The following MINDY3 variants were observed in gnomAD, a reference collection of about 807,000 sequenced individuals.
MINDY3 encodes the protein MINDY lysine 48 deubiquitinase 3.
Under a neutral mutation model 69.2 loss-of-function variants are expected in MINDY3, and 38 were observed. The ratio of observed to expected loss-of-function variants is 0.55; its 90% CI spans 0.42 to 0.72. The LOEUF is 0.72. Ranked by LOEUF, MINDY3 falls within the 30% of genes least tolerant of loss-of-function variation. The probability of loss-of-function intolerance (pLI) is 0.00; values close to 1 mark genes in which losing one functional copy is unlikely to be tolerated. For synonymous variants in MINDY3, 192 were observed against 180.1 expected (o/e 1.07, Z -0.53); for missense variants, 522 against 519.0 (o/e 1.01, Z -0.06).
At chr10:15,848,582 T>C (rs7913602) in intron 1 of MINDY3, among the ~76,000 whole-genome samples, 20,305 of 130,368 alleles carry the variant, frequency 0.16, 3,414 homozygotes, top group African/African-American at 0.44. Flanking sequence ...TGCACTGAGC[T>C]GAGATTGTGC....
intron 1 of MINDY3, among the ~76,000 whole-genome samples, chr10:15,851,205 G>A (rs1399195643): frequency 1.3e-5 from 2 of 152,100 alleles, no homozygotes; most frequent in Non-Finnish European, 2.9e-5. Context: ...CCCAGGTCTT[G>A]GTTTTAGGAT....
intron 2 of MINDY3, among the ~76,000 whole-genome samples, chr10:15,845,003 C>T (rs1833729203): frequency 6.6e-6 from 1 of 151,850 alleles, no homozygotes; most frequent in African/African-American, 2.4e-5. Context: ...TTAACTTCTC[C>T]AAGTTATTTA....
At chr10:15,789,179 G>A in intron 12 of MINDY3, 68 bp downstream of exon 12, 1 of 1,300,770 alleles carries the variant, frequency 7.7e-7, no homozygotes, top group Admixed American at 1.8e-5. Context: ...GGCAAAAAAT[G>A]TACAATATGT....
At chr10:15,827,176 TAAAAAAAAAAAA>T (rs56332799) in intron 8 of MINDY3, among the ~76,000 whole-genome samples, 2 of 44,876 alleles carry the variant, frequency 4.5e-5, no homozygotes, top group Non-Finnish European at 7.8e-5. Flanking sequence ...ATAACAGGAG[TAAAAAAAAAAAA>T]AAAAAAAAAA....
chr10:15,789,382 G>A (rs1484187060), intron 11 of MINDY3, 63 bp from the exon 12 acceptor site: 1 of 1,265,466 alleles, frequency 7.9e-7, no homozygotes, highest in Non-Finnish European at 1.1e-6. Context: ...TGCTATTAAT[G>A]CTGATCAGGT....
At chr10:15,856,850 C>T (rs12247946) in intron 1 of MINDY3, among the ~76,000 whole-genome samples, 12,884 of 152,090 alleles carry the variant, frequency 0.085, 1,090 homozygotes, top group African/African-American at 0.22. Flanking sequence ...TCACTCTGTC[C>T]GCTTCTTACC....
chr10:15,810,051 G>A (rs769771792), intron 10 of MINDY3, among the ~76,000 whole-genome samples: 15 of 151,994 alleles, frequency 9.9e-5, no homozygotes, highest in Non-Finnish European at 2.1e-4. Flanking sequence ...AAACTGACTT[G>A]TGAAAAATCT....
chr10:15,796,332 G>C (rs1275224105), intron 10 of MINDY3, among the ~76,000 whole-genome samples, 160 bp from the exon 11 acceptor site: 1 of 151,742 alleles, frequency 6.6e-6, no homozygotes, highest in African/African-American at 2.4e-5. Flanking sequence ...AACTCTCCAG[G>C]CCATTTATTT....
At chr10:15,811,762 A>T (rs10508495) in intron 10 of MINDY3, among the ~76,000 whole-genome samples, 24,434 of 152,074 alleles carry the variant, frequency 0.16, 2,453 homozygotes, top group South Asian at 0.25. Context: ...TCTCCTTATT[A>T]CTAGGGTCTA....
chr10:15,819,096 AAG>A (rs766128767), intron 9 of MINDY3, among the ~76,000 whole-genome samples: 1 of 152,268 alleles, frequency 6.6e-6, no homozygotes, highest in Admixed American at 6.5e-5. Context: ...AGGAGGGAGA[AAG>A]AGATTATTTC....
intron 4 of MINDY3, 55 bp from the exon 5 acceptor site, chr10:15,838,334 T>C: frequency 6.8e-7 from 1 of 1,464,148 alleles, no homozygotes; most frequent in Non-Finnish European, 9.2e-7. Flanking sequence ...TGACACAAGA[T>C]ACACACAGCA....
At chr10:15,806,905 C>T (rs1398695282) in intron 10 of MINDY3, among the ~76,000 whole-genome samples, 1 of 152,148 alleles carries the variant, frequency 6.6e-6, no homozygotes, top group East Asian at 1.9e-4. Flanking sequence ...CTACTTCTTC[C>T]CTCTTCCAGG....
intron 3 of MINDY3, among the ~76,000 whole-genome samples, chr10:15,842,171 CT>C (rs1389681353): frequency 3.3e-5 from 5 of 151,770 alleles, no homozygotes; most frequent in Non-Finnish European, 7.4e-5. Flanking sequence ...CTCAGACCAT[CT>C]CTTTATGAAC....
chr10:15,810,343 A>G (rs753066861), intron 10 of MINDY3, among the ~76,000 whole-genome samples: 1 of 152,216 alleles, frequency 6.6e-6, no homozygotes, highest in Non-Finnish European at 1.5e-5. Flanking sequence ...TTTCTTAACC[A>G]TCCTCAAATC....
Position 15,852,295 on chromosome 10 carries a change from G to A in MINDY3, c.95-4352C>T, listed in dbSNP as rs182741874. On this transcript the variant is annotated intron_variant, in intron 1 of 14. Coordinates refer to ENST00000277632, the MANE Select transcript of MINDY3 (RefSeq NM_024948.4). ...TTGATGTTTTGGCATGGAAGATAAT[G>A]GCAGTGTTTGTTTCTAGGAATACCA... 8.5e-5 allele frequency among the ~76,000 whole-genome samples: 13 copies of A among 152,216 alleles called. No individual in the cohort carries two copies. In the East Asian group the frequency reaches 2.5e-3, roughly 29 times the overall value.
At chr10:15,779,449 C>T (rs942247829) in intron 14 of MINDY3, among the ~76,000 whole-genome samples, 6 of 152,070 alleles carry the variant, frequency 3.9e-5, no homozygotes, top group East Asian at 1.9e-4. Context: ...TCTATACCAT[C>T]GGAAAGAAAT....
At chr10:15,815,614 A>T (rs773091677) in intron 10 of MINDY3, among the ~76,000 whole-genome samples, 3 of 152,176 alleles carry the variant, frequency 2.0e-5, no homozygotes, top group Non-Finnish European at 4.4e-5. Flanking sequence ...CAACCTATCA[A>T]GTTACCTATG....
At chr10:15,787,440 C>T (rs1449563085) in intron 12 of MINDY3, among the ~76,000 whole-genome samples, 1 of 152,074 alleles carries the variant, frequency 6.6e-6, no homozygotes, top group Non-Finnish European at 1.5e-5. Context: ...TTAAATCTAC[C>T]TTACTACACA....
rs373088722 is a variant in MINDY3 at position 15,802,037 on chromosome 10, C to T, written c.883-5865G>A. ...TATAATTTTAACATATTCTTTTCTC[C>T]GGCTTACGAGATTACAGTATATAAT... is the stretch of plus-strand genomic sequence containing the variant. On this transcript the variant is annotated intron_variant, in intron 10 of 14. Transcript: ENST00000277632. Among the ~76,000 whole-genome samples the T allele has an allele frequency of 5.2e-4, 78 of 150,670 alleles. 1 individual carries two copies. In the South Asian group the frequency reaches 1.0e-2, roughly 19 times the overall value.
Sources: gnomAD v4.1 joint callset for allele counts (sites outside exome capture counted in the v4.1 genomes callset) on GRCh38, gnomAD v4.1.1 for gene constraint, MANE v1.5 for transcripts, NCBI Gene and HGNC (gene_info 2026-07-23, HGNC 2026-07-21) for gene names.